Variants in CDH13 observed in about 807,000 individuals in gnomAD.
CDH13 encodes cadherin 13.
CDH13 carries 24 observed loss-of-function variants against 63.8 expected under a neutral mutation model. The ratio of observed to expected loss-of-function variants is 0.38; its 90% CI spans 0.27 to 0.53. The LOEUF is 0.53. Ranked by LOEUF, CDH13 falls within the 20% of genes least tolerant of loss-of-function variation. The pLI is 0.85. For missense variants in CDH13, 1,049 were observed against 903.1 expected (o/e 1.16, Z -2.07); for synonymous variants, 503 against 355.3 (o/e 1.42, Z -4.67).
chr16:82,822,837 C>T (rs548995059), intron 1 of CDH13, among the ~76,000 whole-genome samples: 1 of 152,312 alleles, frequency 6.6e-6, no homozygotes, highest in Non-Finnish European at 1.5e-5. Flanking sequence ...AAAATGTCAA[C>T]ACCATTTTAT....
intron 1 of CDH13, among the ~76,000 whole-genome samples, chr16:82,832,439 C>T (rs545526490): frequency 7.9e-5 from 12 of 152,180 alleles, no homozygotes; most frequent in South Asian, 6.2e-4. Context: ...CCTCCTCCTC[C>T]TTCTCTCCTT....
chr16:83,146,510 C>T (rs1161391615), intron 4 of CDH13, among the ~76,000 whole-genome samples: 5 of 152,228 alleles, frequency 3.3e-5, no homozygotes, highest in Non-Finnish European at 5.9e-5. Flanking sequence ...AAGGCTGGGG[C>T]AGGAGTAACA....
At chr16:83,139,003 G>A (rs1444517385) in intron 4 of CDH13, among the ~76,000 whole-genome samples, 2 of 151,854 alleles carry the variant, frequency 1.3e-5, no homozygotes, top group Non-Finnish European at 2.9e-5. Context: ...AGTAACCTGC[G>A]GAGGTGTTAC....
At chr16:82,800,121 C>G (rs1042495641) in intron 1 of CDH13, among the ~76,000 whole-genome samples, 6 of 152,092 alleles carry the variant, frequency 3.9e-5, no homozygotes, top group African/African-American at 9.7e-5. Context: ...GCATATTTGT[C>G]TGTCTTGTCA....
intron 2 of CDH13, among the ~76,000 whole-genome samples, chr16:82,939,163 C>T (rs1240473893): frequency 1.3e-5 from 2 of 152,144 alleles, no homozygotes; most frequent in African/African-American, 4.8e-5. Context: ...GTGGCTCACG[C>T]CTGCAATCCC....
chr16:83,236,282 G>C (rs575949095), intron 5 of CDH13, among the ~76,000 whole-genome samples: 1 of 150,134 alleles, frequency 6.7e-6, no homozygotes, highest in Admixed American at 6.6e-5. Flanking sequence ...GTGCTGTCTT[G>C]GGAGCATTTA....
intron 5 of CDH13, among the ~76,000 whole-genome samples, chr16:83,268,082 A>G (rs1429857685): frequency 1.3e-5 from 2 of 152,128 alleles, no homozygotes; most frequent in African/African-American, 4.8e-5. Context: ...ATATAGATAC[A>G]CCTGCCCCTA....
chr16:82,808,375 T>C lies in CDH13; in HGVS notation c.46-49987T>C, dbSNP rs79557290. Among the ~76,000 whole-genome samples, 353 of 152,304 alleles carry C rather than the reference T, an allele frequency of 2.3e-3. 2 individuals are homozygous for C. The highest frequency in any genetic ancestry group is 4.1e-3 in the South Asian group (20 of 4,824). ...TCTACTTTCTAGGGAATTACAGATATAATTTGTGGAGACACTTAGTCAAAA... is the reference window on the plus strand; with the variant it reads ...TCTACTTTCTAGGGAATTACAGATACAATTTGTGGAGACACTTAGTCAAAA... On this transcript the variant is annotated intron_variant, in intron 1 of 13. Transcript: ENST00000567109.
chr16:82,718,478 G>GAAGGAGAAAGTGTTAAGGA (rs2032539455), intron 1 of CDH13, among the ~76,000 whole-genome samples: 4 of 152,204 alleles, frequency 2.6e-5, no homozygotes, highest in African/African-American at 9.7e-5. Flanking sequence ...TGGTGAAGAA[G>GAAGGAGAAAGTGTTAAGGA]AAGGAGAAAG....
At chr16:82,692,957 G>T (rs868450160) in intron 1 of CDH13, among the ~76,000 whole-genome samples, 2 of 152,144 alleles carry the variant, frequency 1.3e-5, no homozygotes, top group South Asian at 2.1e-4. Flanking sequence ...GGTGTCTTCT[G>T]TGATCGTTTT....
intron 4 of CDH13, among the ~76,000 whole-genome samples, chr16:83,167,614 C>T (rs1196466172): frequency 2.0e-5 from 3 of 151,274 alleles, no homozygotes; most frequent in Admixed American, 6.6e-5. Context: ...CTATGTTCCA[C>T]GTTATCAAGA....
At chr16:83,197,384 G>T (rs922094875) in intron 4 of CDH13, among the ~76,000 whole-genome samples, 2 of 152,014 alleles carry the variant, frequency 1.3e-5, no homozygotes, top group African/African-American at 4.8e-5. Context: ...CCTTTGTGGT[G>T]CAAATAATGC....
intron 6 of CDH13, among the ~76,000 whole-genome samples, chr16:83,400,105 C>A (rs780209963): frequency 1.3e-4 from 20 of 151,328 alleles, no homozygotes; most frequent in African/African-American, 4.6e-4. Context: ...ATGCTGAGGC[C>A]TAGATAATTC....
chr16:83,463,297 A>G (rs1197106211), intron 6 of CDH13, among the ~76,000 whole-genome samples: 2 of 152,190 alleles, frequency 1.3e-5, no homozygotes, highest in African/African-American at 4.8e-5. Flanking sequence ...GTCATAGTAA[A>G]GTACCCAAAA....
chr16:83,140,374 A>T (rs548127193), intron 4 of CDH13, among the ~76,000 whole-genome samples: 2 of 152,172 alleles, frequency 1.3e-5, no homozygotes, highest in Admixed American at 1.3e-4. Context: ...GCCAACACTG[A>T]GTTTCAGGGC....
intron 10 of CDH13, chr16:83,721,813 T>G (rs1200277515): frequency 6.6e-6 from 1 of 151,990 alleles, no homozygotes; most frequent in Non-Finnish European, 1.5e-5. Context: ...CAAGACAGAG[T>G]TTGAATGAGA....
At chr16:83,264,863 G>A (rs1052727692) in intron 5 of CDH13, among the ~76,000 whole-genome samples, 2 of 151,700 alleles carry the variant, frequency 1.3e-5, no homozygotes, top group Admixed American at 1.3e-4. Context: ...CTAAAGATAT[G>A]GCTGTCAAAC....
intron 1 of CDH13, among the ~76,000 whole-genome samples, chr16:82,804,356 G>A (rs2318184): frequency 0.11 from 17,219 of 151,528 alleles, 1,240 homozygotes; most frequent in Middle Eastern, 0.17. Flanking sequence ...AGCTTTTAGA[G>A]GTGATGGATA....
chr16:83,237,563 G>A (rs1158006655), intron 5 of CDH13, among the ~76,000 whole-genome samples: 2 of 152,196 alleles, frequency 1.3e-5, no homozygotes, highest in Admixed American at 6.5e-5. Context: ...CTTAATTACT[G>A]TTTTTTAAAT....
Sources: gnomAD v4.1 joint callset for allele counts (sites outside exome capture counted in the v4.1 genomes callset) on GRCh38, gnomAD v4.1.1 for gene constraint, MANE v1.5 for transcripts, NCBI Gene and HGNC (gene_info 2026-07-23, HGNC 2026-07-21) for gene names.